SLC24A2: variants seen among roughly 807,000 people sequenced by gnomAD.
SLC24A2 encodes solute carrier family 24 member 2, also known as sodium/potassium/calcium exchanger 2.
A neutral mutation model predicts 62.0 loss-of-function variants in SLC24A2; 36 were observed. That is an observed-to-expected ratio of 0.58 (90% CI 0.44 to 0.77). The LOEUF (loss-of-function observed/expected upper bound fraction) is 0.77. SLC24A2 is among the 30% of genes least tolerant of loss of function. The pLI is 0.00. For synonymous variants in SLC24A2, 358 were observed against 294.0 expected, an observed-to-expected ratio of 1.22 and a Z score of -2.23; for missense variants, 846 against 817.9, an observed-to-expected ratio of 1.03 and a Z score of -0.42.
At chr9:19,875,439 T>C in the SLC24A2 span, among the ~76,000 whole-genome samples, 1 of 152,296 alleles carries the variant, frequency 6.6e-6, no homozygotes, top group East Asian at 1.9e-4. Flanking sequence ...AGCATACCGA[T>C]GAGGACAGCA....
the SLC24A2 span, among the ~76,000 whole-genome samples, chr9:19,997,544 C>G: frequency 1.3e-5 from 2 of 152,144 alleles, no homozygotes; most frequent in Non-Finnish European, 2.9e-5. Context: ...ACACTCTCAG[C>G]AAGTGTCAGA....
chr9:20,233,984 G>A, the SLC24A2 span, among the ~76,000 whole-genome samples: 11 of 152,248 alleles, frequency 7.2e-5, no homozygotes, highest in Admixed American at 2.6e-4. Context: ...CTTCACTTAC[G>A]AAGCTTAGTT....
chr9:20,047,948 T>C, the SLC24A2 span, among the ~76,000 whole-genome samples: 7 of 151,990 alleles, frequency 4.6e-5, no homozygotes, highest in Non-Finnish European at 1.0e-4. Context: ...ATAAAGTAGA[T>C]AGGTTAGTAG....
Position 19,570,336 on chromosome 9 carries a change from G to T in SLC24A2, c.1347+3015C>A, listed in dbSNP as rs138140312. Among the ~76,000 whole-genome samples, 8 of 152,136 alleles carry T rather than the reference G, an allele frequency of 5.3e-5. No individual in the cohort carries two copies. In the East Asian group the frequency reaches 1.4e-3, roughly 26 times the overall value. ...TTTGGTTATTTCTTCATTCTTTGAG[G>T]GACAAACTCCGACTCACCCATCAAC... On this transcript the variant is annotated intron_variant, in intron 7 of 10. Coordinates refer to ENST00000341998, the MANE Select transcript of SLC24A2 (RefSeq NM_020344.4).
At chr9:19,679,577 C>CG (rs1052206164) in intron 2 of SLC24A2, among the ~76,000 whole-genome samples, 5 of 152,114 alleles carry the variant, frequency 3.3e-5, no homozygotes, top group Non-Finnish European at 1.5e-5. Context: ...CCACCAATGT[C>CG]GGGGGGCATT....
chr9:20,074,637 CG>C, the SLC24A2 span, among the ~76,000 whole-genome samples: 1 of 15,846 alleles, frequency 6.3e-5, no homozygotes, highest in African/African-American at 2.8e-4. Context: ...GAGGGAGGGA[CG>C]GGAAGGGGGT....
At chr9:19,756,904 T>A (rs1822156901) in intron 2 of SLC24A2, among the ~76,000 whole-genome samples, 1 of 47,840 alleles carries the variant, frequency 2.1e-5, no homozygotes, top group East Asian at 6.2e-4. Flanking sequence ...TTACTGAAGC[T>A]TTTTTTTTTT....
At chr9:20,252,857 C>T in the SLC24A2 span, among the ~76,000 whole-genome samples, 3 of 152,238 alleles carry the variant, frequency 2.0e-5, no homozygotes, top group Admixed American at 6.5e-5. Flanking sequence ...AGACTCTATT[C>T]CTGTCTGTTA....
chr9:20,085,674 A>G, the SLC24A2 span, among the ~76,000 whole-genome samples: 1 of 152,190 alleles, frequency 6.6e-6, no homozygotes, highest in Non-Finnish European at 1.5e-5. Context: ...TTGTATTAAT[A>G]TATGTTTCCA....
chr9:20,059,321 A>C, the SLC24A2 span, among the ~76,000 whole-genome samples: 3 of 152,186 alleles, frequency 2.0e-5, no homozygotes, highest in African/African-American at 7.2e-5. Flanking sequence ...ATACATAGAA[A>C]ACTCCATTTA....
At chr9:19,797,129 G>GT in the SLC24A2 span, among the ~76,000 whole-genome samples, 2 of 151,960 alleles carry the variant, frequency 1.3e-5, no homozygotes, top group Non-Finnish European at 2.9e-5. Context: ...TTCTATTACA[G>GT]TTTCCCATTT....
At chr9:20,147,572 T>G in the SLC24A2 span, among the ~76,000 whole-genome samples, 2 of 152,124 alleles carry the variant, frequency 1.3e-5, no homozygotes, top group African/African-American at 2.4e-5. Context: ...TGCCGTAAAT[T>G]CTTGATCAAA....
At chr9:19,843,288 G>A in the SLC24A2 span, among the ~76,000 whole-genome samples, 1 of 152,182 alleles carries the variant, frequency 6.6e-6, no homozygotes, top group Non-Finnish European at 1.5e-5. Context: ...GATCACCTGA[G>A]GTCAGGAGTT....
the SLC24A2 span, among the ~76,000 whole-genome samples, chr9:19,939,775 A>C: frequency 6.6e-6 from 1 of 152,308 alleles, no homozygotes; most frequent in East Asian, 1.9e-4. Context: ...GTTGTTGACC[A>C]AAATGTCATC....
chr9:19,717,766 A>G (rs577354976), intron 2 of SLC24A2, among the ~76,000 whole-genome samples: 1 of 152,144 alleles, frequency 6.6e-6, no homozygotes, highest in Non-Finnish European at 1.5e-5. Flanking sequence ...TCTTTTTGCT[A>G]TGACTAAAAT....
At chr9:20,006,393 T>A in the SLC24A2 span, among the ~76,000 whole-genome samples, 1 of 151,774 alleles carries the variant, frequency 6.6e-6, no homozygotes, top group Non-Finnish European at 1.5e-5. Flanking sequence ...ATGAATAAGA[T>A]CTAGTATTTG....
the SLC24A2 span, among the ~76,000 whole-genome samples, chr9:19,858,937 T>C: frequency 6.6e-6 from 1 of 152,210 alleles, no homozygotes; most frequent in Non-Finnish European, 1.5e-5. Context: ...GATATCAGTG[T>C]GGCAATTCCT....
chr9:19,542,086 C>G (rs956737931), intron 8 of SLC24A2, among the ~76,000 whole-genome samples: 2 of 152,310 alleles, frequency 1.3e-5, no homozygotes, highest in Non-Finnish European at 2.9e-5. Context: ...CACGCACACA[C>G]TGGCCTGCGC....
chr9:20,273,249 A>G, the SLC24A2 span, among the ~76,000 whole-genome samples: 1 of 152,230 alleles, frequency 6.6e-6, no homozygotes, highest in Non-Finnish European at 1.5e-5. Context: ...TGTGAAAGCT[A>G]GCCATAAAAG....
Sources: allele counts gnomAD v4.1 joint callset (sites outside exome capture counted in the v4.1 genomes callset), GRCh38; gene constraint gnomAD v4.1.1; transcripts MANE v1.5; gene names NCBI Gene and HGNC (gene_info 2026-07-23, HGNC 2026-07-21).